The following CCDC181 variants were observed in gnomAD, a reference collection of about 807,000 sequenced individuals.
CCDC181 encodes the protein coiled-coil domain-containing protein 181.
A neutral mutation model predicts 58.7 loss-of-function variants in CCDC181; 35 were observed. That is an observed-to-expected ratio of 0.60 (90% CI 0.46 to 0.79). The LOEUF (loss-of-function observed/expected upper bound fraction) is 0.79, where lower values mean the gene tolerates loss of function less well. CCDC181 is among the 30% of genes least tolerant of loss of function. CCDC181 has a pLI of 0.00. For synonymous variants in CCDC181, 183 were observed against 197.5 expected (o/e 0.93, Z 0.62); for missense variants, 517 against 583.9 (o/e 0.89, Z 1.18).
At chr1:169,401,405 G>T (rs1655339505) in intron 4 of CCDC181, among the ~76,000 whole-genome samples, 1 of 152,294 alleles carries the variant, frequency 6.6e-6, no homozygotes, top group South Asian at 2.1e-4. Context: ...TCCCAGTAGG[G>T]GCCAACTGAC....
At chr1:169,447,843 A>G (rs1657417809) in intron 2 of CCDC181, among the ~76,000 whole-genome samples, 1 of 152,174 alleles carries the variant, frequency 6.6e-6, no homozygotes, top group African/African-American at 2.4e-5. Flanking sequence ...AAGTGTTAGC[A>G]TAGTATATCT....
chr1:169,399,138 G>C (rs1207501134), intron 4 of CCDC181, among the ~76,000 whole-genome samples: 1 of 152,132 alleles, frequency 6.6e-6, no homozygotes, highest in Non-Finnish European at 1.5e-5. Context: ...GAAGCCATTG[G>C]GGGTTTCTGA....
intron 2 of CCDC181, among the ~76,000 whole-genome samples, chr1:169,442,193 AT>A (rs1166408655): frequency 2.0e-5 from 3 of 152,124 alleles, no homozygotes; most frequent in Non-Finnish European, 2.9e-5. Flanking sequence ...TTTATAAAAA[AT>A]GTTTAGATTC....
chr1:169,405,582 G>C (rs571020065), intron 4 of CCDC181, among the ~76,000 whole-genome samples: 2 of 152,278 alleles, frequency 1.3e-5, no homozygotes, highest in South Asian at 4.1e-4. Flanking sequence ...AATAAATGGT[G>C]CTGGGAAAAC....
chr1:169,419,833 G>A (rs181341283), intron 3 of CCDC181, among the ~76,000 whole-genome samples: 8 of 152,284 alleles, frequency 5.3e-5, no homozygotes, highest in African/African-American at 1.7e-4. Context: ...TTGCCAAAGA[G>A]AACACTGAAA....
chr1:169,404,351 C>A (rs554128320), intron 4 of CCDC181, among the ~76,000 whole-genome samples: 5 of 152,118 alleles, frequency 3.3e-5, no homozygotes, highest in African/African-American at 1.2e-4. Flanking sequence ...GGCAGAGACA[C>A]AACAAAAAAA....
chr1:169,458,157 G>A (rs1657728001), intron 2 of CCDC181, among the ~76,000 whole-genome samples: 2 of 149,866 alleles, frequency 1.3e-5, no homozygotes, highest in South Asian at 2.1e-4. Context: ...ACCAAAGGCT[G>A]GGGCAAAAGT....
intron 2 of CCDC181, among the ~76,000 whole-genome samples, chr1:169,447,625 G>A (rs1198461227): frequency 1.3e-5 from 2 of 152,104 alleles, no homozygotes; most frequent in African/African-American, 4.8e-5. Context: ...CTTACTGAAA[G>A]GTGTTGAAGT....
chr1:169,409,051 C>T (rs370246594), intron 4 of CCDC181, among the ~76,000 whole-genome samples: 6 of 152,108 alleles, frequency 3.9e-5, no homozygotes, highest in Non-Finnish European at 8.8e-5. Flanking sequence ...GACGAATTGA[C>T]GGAAGTAGGC....
At position 169,426,177 on chromosome 1, in the gene CCDC181, G is replaced by A. The variant is rs1438011946; in HGVS notation, c.-24+1111C>T. Among the ~76,000 whole-genome samples, 4 of 152,114 alleles carry A rather than the reference G, an allele frequency of 2.6e-5. No homozygotes were observed. The South Asian group carries it at 6.2e-4, about 24-fold the overall frequency. On this transcript the variant is annotated intron_variant, in intron 1 of 5. Coordinates refer to ENST00000367806, the MANE Select transcript of CCDC181 (RefSeq NM_001300969.2). ...AAACACCCTCATGGCCGGTTCTCAA[G>A]TAAACAAAGAACATAAATTACAAAC...
In CCDC181 at chr1:169,421,535, T is replaced by C. The variant is rs777918462; in HGVS notation, c.896A>G (p.Lys299Arg). 4.3e-6 allele frequency: 7 copies of C among 1,614,118 alleles called. No homozygotes were observed. In the South Asian group the frequency reaches 4.4e-5, roughly 10 times the overall value. Residue 299 changes from lysine (K) to arginine (R), a missense_variant, in exon 3 of 6, where the codon AAG becomes AGG. Physicochemically the swap from Lys to Arg is conservative, Grantham distance 26. Transcript: ENST00000367806. Reference protein sequence around the residue: ...AYIAQPPLNRKTCPSSAVNSD... With the variant: ...AYIAQPPLNRRTCPSSAVNSD... ...GTTGACAGCAGAGCTTGGACAAGTC[T>C]TGCGGTTGAGTGGTGGCTGAGCGAT...
chr1:169,399,761 T>TG, intron 4 of CCDC181, among the ~76,000 whole-genome samples: 1 of 152,334 alleles, frequency 6.6e-6, no homozygotes, highest in Admixed American at 6.5e-5. Context: ...ATAAAATGTA[T>TG]GCAGCAGCTT....
At chr1:169,414,455 C>T (rs890616185) in intron 4 of CCDC181, among the ~76,000 whole-genome samples, 2 of 152,278 alleles carry the variant, frequency 1.3e-5, no homozygotes, top group African/African-American at 4.8e-5. Flanking sequence ...ACAACACTAT[C>T]AACCAACTAG....
At chr1:169,397,127 G>T in intron 5 of CCDC181, 110 bp downstream of exon 5, 1 of 959,882 alleles carries the variant, frequency 1.0e-6, no homozygotes, top group Non-Finnish European at 1.5e-6. Flanking sequence ...GGTACGTGCT[G>T]TAAGAGAAAA....
intron 2 of CCDC181, among the ~76,000 whole-genome samples, chr1:169,446,853 A>C (rs1052401909): frequency 6.6e-6 from 1 of 152,130 alleles, no homozygotes; most frequent in Non-Finnish European, 1.5e-5. Flanking sequence ...CTGAGAAATG[A>C]CCATGTGTAC....
At chr1:169,404,479 A>C (rs1655537729) in intron 4 of CCDC181, among the ~76,000 whole-genome samples, 1 of 152,248 alleles carries the variant, frequency 6.6e-6, no homozygotes, top group African/African-American at 2.4e-5. Flanking sequence ...AGTGGGCTTC[A>C]TCCCTGGGAT....
At chr1:169,397,987 A>AT (rs1655142079) in intron 4 of CCDC181, among the ~76,000 whole-genome samples, 1 of 152,158 alleles carries the variant, frequency 6.6e-6, no homozygotes, top group South Asian at 2.1e-4. Context: ...TATATCTTGC[A>AT]TTTTTTCCCT....
chr1:169,447,582 TACTG>T (rs1424249332), intron 2 of CCDC181, among the ~76,000 whole-genome samples: 1 of 152,224 alleles, frequency 6.6e-6, no homozygotes, highest in Admixed American at 6.5e-5. Context: ...ACTATATCCT[TACTG>T]ACTTTCTGCC....
At chr1:169,451,294 C>T (rs1657527396) in intron 2 of CCDC181, 1 of 152,026 alleles carries the variant, frequency 6.6e-6, no homozygotes, top group South Asian at 2.1e-4. Flanking sequence ...TCTGTACTGC[C>T]ACTTTAAAAC....
Sources: allele counts gnomAD v4.1 joint callset (sites outside exome capture counted in the v4.1 genomes callset), GRCh38; gene constraint gnomAD v4.1.1; transcripts MANE v1.5; gene names NCBI Gene and HGNC (gene_info 2026-07-23, HGNC 2026-07-21).